SPATA6: variants seen among roughly 807,000 people sequenced by gnomAD.
SPATA6 encodes the protein spermatogenesis-associated protein 6.
A neutral mutation model predicts 65.3 loss-of-function variants in SPATA6; 56 were observed. That is an observed-to-expected ratio of 0.86 (90% CI 0.69 to 1.07). The LOEUF (loss-of-function observed/expected upper bound fraction) is 1.07. Ranked by LOEUF, SPATA6 falls within the 50% of genes least tolerant of loss-of-function variation. The pLI is 0.00. For missense variants in SPATA6, 590 were observed against 594.8 expected (o/e 0.99, Z 0.08); for synonymous variants, 199 against 213.2 (o/e 0.93, Z 0.58).
chr1:48,382,425 C>G (rs1380729072), intron 9 of SPATA6, among the ~76,000 whole-genome samples: 2 of 141,384 alleles, frequency 1.4e-5, no homozygotes, highest in East Asian at 4.5e-4. Context: ...AGAGGCACCC[C>G]TCACCTCCTG....
intron 11 of SPATA6, among the ~76,000 whole-genome samples, chr1:48,312,775 T>C (rs1305678726): frequency 6.6e-6 from 1 of 152,066 alleles, no homozygotes; most frequent in Non-Finnish European, 1.5e-5. Context: ...TTAGAACCCA[T>C]GGCAAAGAAG....
At chr1:48,341,293 T>C (rs1646208337) in intron 11 of SPATA6, among the ~76,000 whole-genome samples, 1 of 152,156 alleles carries the variant, frequency 6.6e-6, no homozygotes, top group Non-Finnish European at 1.5e-5. Context: ...CAATAATCTG[T>C]GGTCAACAGT....
chr1:48,312,834 A>G (rs1645262809), intron 11 of SPATA6, among the ~76,000 whole-genome samples: 1 of 152,178 alleles, frequency 6.6e-6, no homozygotes, highest in African/African-American at 2.4e-5. Context: ...ACAATAACCA[A>G]TGCAGAGAAG....
At chr1:48,278,758 G>T in the SPATA6 span, among the ~76,000 whole-genome samples, 30 of 152,188 alleles carry the variant, frequency 2.0e-4, 1 homozygote, top group Admixed American at 1.8e-3. Flanking sequence ...AAAACACTCT[G>T]CAGGATATTA....
intron 1 of SPATA6, among the ~76,000 whole-genome samples, chr1:48,468,405 T>C (rs545511929): frequency 1.3e-5 from 2 of 152,386 alleles, no homozygotes; most frequent in African/African-American, 4.8e-5. Context: ...TTCTATTGTA[T>C]GTGTATACTA....
intron 3 of SPATA6, among the ~76,000 whole-genome samples, chr1:48,424,115 C>T (rs1417379979): frequency 6.6e-6 from 1 of 152,040 alleles, no homozygotes; most frequent in African/African-American, 2.4e-5. Context: ...ATTTTTTGTA[C>T]CCATTAACCA....
At chr1:48,265,485 T>C in the SPATA6 span, among the ~76,000 whole-genome samples, 1 of 152,016 alleles carries the variant, frequency 6.6e-6, no homozygotes, top group Non-Finnish European at 1.5e-5. Flanking sequence ...GCATTATGTT[T>C]CTTGGAGCTC....
intron 3 of SPATA6, chr1:48,436,642 A>G: frequency 6.2e-7 from 1 of 1,614,196 alleles, no homozygotes; most frequent in Non-Finnish European, 8.5e-7. Flanking sequence ...CCCACAGTTC[A>G]GCACATCAGT....
chr1:48,418,970 C>T (rs991742497), intron 3 of SPATA6, among the ~76,000 whole-genome samples: 6 of 151,984 alleles, frequency 3.9e-5, no homozygotes, highest in African/African-American at 1.4e-4. Context: ...AGGATACGCT[C>T]AGTTTCTTAA....
Position 48,335,781 on chromosome 1 carries a change from A to G in SPATA6, c.1194+19889T>C, listed in dbSNP as rs138778720. Among the ~76,000 whole-genome samples, 1,306 of 152,274 alleles carry G rather than the reference A, an allele frequency of 8.6e-3. 6 individuals are homozygous for G. Among genetic ancestry groups the G allele is most frequent in the Non-Finnish European group, 0.014 (966 of 67,980 alleles). On this transcript the variant is annotated intron_variant, in intron 11 of 12. Transcript: ENST00000371847. ...ATTGCAACAAAAGCAAAAATGACAA[A>G]TGGCGCCTAATTAAATGAAAGAGGT...
intron 3 of SPATA6, among the ~76,000 whole-genome samples, chr1:48,450,541 G>C (rs935188488): frequency 6.6e-6 from 1 of 152,050 alleles, no homozygotes; most frequent in African/African-American, 2.4e-5. Context: ...TACTGAACAA[G>C]ATGTTCAGTA....
chr1:48,366,759 T>C (rs960527989), intron 9 of SPATA6, among the ~76,000 whole-genome samples: 4 of 152,182 alleles, frequency 2.6e-5, no homozygotes, highest in African/African-American at 7.2e-5. Flanking sequence ...CCTGGATTCA[T>C]TGATTTTTTG....
At chr1:48,385,419 GTTTC>G in intron 8 of SPATA6, 70 bp from the exon 9 acceptor site, 2 of 1,323,258 alleles carry the variant, frequency 1.5e-6, no homozygotes, top group South Asian at 1.3e-5. Flanking sequence ...TACTATCATT[GTTTC>G]TACAATTATA....
the SPATA6 span, among the ~76,000 whole-genome samples, chr1:48,275,165 C>T: frequency 6.6e-6 from 1 of 152,124 alleles, no homozygotes; most frequent in Admixed American, 6.5e-5. Flanking sequence ...CATAGGAATG[C>T]TTGTAATTTT....
At chr1:48,350,257 T>C (rs1438969347) in intron 11 of SPATA6, among the ~76,000 whole-genome samples, 1 of 151,632 alleles carries the variant, frequency 6.6e-6, no homozygotes, top group Non-Finnish European at 1.5e-5. Context: ...ATTTGGTTAT[T>C]TATTTTTTTT....
intron 11 of SPATA6, among the ~76,000 whole-genome samples, chr1:48,314,354 G>A (rs1044239844): frequency 1.3e-5 from 2 of 152,078 alleles, no homozygotes; most frequent in African/African-American, 4.8e-5. Flanking sequence ...TCAGACCACA[G>A]TGCAATCAAA....
At chr1:48,268,733 T>C in the SPATA6 span, among the ~76,000 whole-genome samples, 3 of 152,202 alleles carry the variant, frequency 2.0e-5, no homozygotes, top group African/African-American at 7.2e-5. Flanking sequence ...TAGAACTTCC[T>C]TACCAATATG....
At chr1:48,312,916 C>T (rs559842831) in intron 11 of SPATA6, among the ~76,000 whole-genome samples, 2 of 152,248 alleles carry the variant, frequency 1.3e-5, no homozygotes, top group Admixed American at 1.3e-4. Context: ...GCCTCAGTAG[C>T]TGATTCAATC....
At chr1:48,273,287 G>A in the SPATA6 span, among the ~76,000 whole-genome samples, 1 of 151,950 alleles carries the variant, frequency 6.6e-6, no homozygotes, top group Non-Finnish European at 1.5e-5. Flanking sequence ...TTTTGTGTAT[G>A]GTATAATGGT....
Sources: gnomAD v4.1 joint callset for allele counts (sites outside exome capture counted in the v4.1 genomes callset) on GRCh38, gnomAD v4.1.1 for gene constraint, MANE v1.5 for transcripts, NCBI Gene and HGNC (gene_info 2026-07-23, HGNC 2026-07-21) for gene names.